ARHGAP25: variants seen among roughly 807,000 people sequenced by gnomAD.
ARHGAP25 encodes Rho GTPase activating protein 25.
In ARHGAP25, 34 loss-of-function variants were observed where a neutral mutation model predicts 71.0. The observed-to-expected ratio is 0.48, with a 90% CI of 0.36 to 0.64. ARHGAP25 has a LOEUF of 0.64. Among genes scored for constraint, ARHGAP25 ranks in the 30% least tolerant of loss-of-function variants. ARHGAP25 has a pLI of 0.00. For missense variants in ARHGAP25, 706 were observed against 805.1 expected, an observed-to-expected ratio of 0.88 and a Z score of 1.49; for synonymous variants, 282 against 296.5, an observed-to-expected ratio of 0.95 and a Z score of 0.50.
intron 4 of ARHGAP25, among the ~76,000 whole-genome samples, chr2:68,790,418 G>T (rs1258561374): frequency 2.0e-5 from 3 of 152,206 alleles, no homozygotes; most frequent in African/African-American, 7.2e-5. Flanking sequence ...GTTAGGGAAT[G>T]TTGGCCTTAA....
chr2:68,780,946 A>T (rs1476622898), intron 2 of ARHGAP25, among the ~76,000 whole-genome samples: 1 of 152,224 alleles, frequency 6.6e-6, no homozygotes, highest in Non-Finnish European at 1.5e-5. Flanking sequence ...CGAGGTGTAA[A>T]TTATGAATAA....
chr2:68,769,739 C>T (rs1677361182), intron 1 of ARHGAP25, among the ~76,000 whole-genome samples: 1 of 147,274 alleles, frequency 6.8e-6, no homozygotes, highest in Non-Finnish European at 1.5e-5. Context: ...GAAGTGGGGC[C>T]TGAAGGGATT....
intron 3 of ARHGAP25, among the ~76,000 whole-genome samples, chr2:68,783,634 T>C (rs1384745223): frequency 6.6e-6 from 1 of 152,106 alleles, no homozygotes; most frequent in Non-Finnish European, 1.5e-5. Flanking sequence ...CAGTTAATTT[T>C]TGTATTTTTA....
rs147739260 is a variant in ARHGAP25 at position 68,813,329 on chromosome 2, C to T, written c.717C>T (p.Tyr239=). The T allele has an allele frequency of 8.3e-5, 134 of 1,613,992 alleles. No individual in the cohort carries two copies. The African/African-American group carries it at 1.5e-3, about 18-fold the overall frequency. The change falls in exon 6 of 11, where the codon TAC becomes TAT. Residue 239 remains tyrosine (Y), a synonymous_variant. Coordinates refer to ENST00000409202, the MANE Select transcript of ARHGAP25 (RefSeq NM_001007231.3). Reference sequence around the variant, plus strand: ...CTGTGGCTTCCCTGTTAAAGCTCTACCTCCGAGACCTCCCAGAGCCCGTGG... The same window carrying T: ...CTGTGGCTTCCCTGTTAAAGCTCTATCTCCGAGACCTCCCAGAGCCCGTGG... The part of the protein sequence containing the change: ...VHTVASLLKL[Y]LRDLPEPVVP...
rs771613345 is a variant in ARHGAP25, at chr2:68,735,156, CA to C, written c.-43del. 45 of 1,532,710 alleles carry C rather than the reference CA, an allele frequency of 2.9e-5. No homozygotes were observed. In the Admixed American group the frequency reaches 4.0e-4, roughly 14 times the overall value. 94.9% of individuals were successfully genotyped at this position (1,532,710 alleles called of 1,614,324 possible). A position where few individuals can be genotyped will look rare whatever the true frequency, so the allele number is the denominator to read the frequency against. ...AAGACAAGAAGGGCGCAAACTGTGA[CA>C]GACTCACCGCTTCACTAACTACTCA... is the stretch of plus-strand genomic sequence containing the variant. On this transcript the variant is annotated 5_prime_UTR_variant, in exon 1 of 11. Coordinates refer to ENST00000409202, the MANE Select transcript of ARHGAP25 (RefSeq NM_001007231.3).
chr2:68,813,766 A>G (rs986959834), intron 6 of ARHGAP25, among the ~76,000 whole-genome samples: 5 of 152,236 alleles, frequency 3.3e-5, no homozygotes, highest in African/African-American at 9.6e-5. Flanking sequence ...GTGTGAGGTC[A>G]CATAGCTCAA....
chr2:68,712,489 C>T (rs1016721918), intron 2 of ARHGAP25, among the ~76,000 whole-genome samples: 4 of 152,126 alleles, frequency 2.6e-5, no homozygotes, highest in African/African-American at 7.2e-5. Context: ...GTTTCTTTTT[C>T]TGTACAGAAG....
intron 4 of ARHGAP25, among the ~76,000 whole-genome samples, chr2:68,797,990 A>C (rs1159656120): frequency 6.6e-6 from 1 of 152,074 alleles, no homozygotes; most frequent in African/African-American, 2.4e-5. Flanking sequence ...TTTTTTGTTG[A>C]ACTCCCAAGT....
At position 68,769,092 on chromosome 2, in the gene ARHGAP25, T is replaced by G. The variant is rs185300884; in HGVS notation, c.62-6129T>G. Among the ~76,000 whole-genome samples the G allele has an allele frequency of 2.0e-5, 3 of 152,292 alleles. No individual in the cohort carries two copies. In the East Asian group the frequency reaches 5.8e-4, roughly 29 times the overall value. On this transcript the variant is annotated intron_variant, in intron 1 of 10. Transcript: ENST00000409202. ...TCAGCAGGGGGCTGAGTCCTCTCAG[T>G]ATTAGCCTCTCATATTGTTTCCTCT...
At chr2:68,797,444 C>T (rs1485552940) in intron 4 of ARHGAP25, among the ~76,000 whole-genome samples, 1 of 152,186 alleles carries the variant, frequency 6.6e-6, no homozygotes, top group African/African-American at 2.4e-5. Context: ...GCAGGCTGCA[C>T]CTAGTCCACA....
intron 1 of ARHGAP25, among the ~76,000 whole-genome samples, chr2:68,772,801 T>C (rs149053587): frequency 1.3e-5 from 2 of 152,344 alleles, no homozygotes; most frequent in East Asian, 3.9e-4. Context: ...GCCTTGAAGA[T>C]AGCAAGTAAC....
chr2:68,765,971 A>C (rs1677099263), intron 1 of ARHGAP25, among the ~76,000 whole-genome samples: 1 of 152,232 alleles, frequency 6.6e-6, no homozygotes, highest in Admixed American at 6.5e-5. Context: ...GGTAGTTGCC[A>C]GTACTTGAGC....
At chr2:68,792,167 A>G (rs1484952915) in intron 4 of ARHGAP25, among the ~76,000 whole-genome samples, 2 of 152,212 alleles carry the variant, frequency 1.3e-5, no homozygotes, top group African/African-American at 2.4e-5. Flanking sequence ...AGTTTTGCTC[A>G]GGCTATTGCT....
chr2:68,802,468 C>A (rs539423869), intron 4 of ARHGAP25, among the ~76,000 whole-genome samples: 2 of 147,730 alleles, frequency 1.4e-5, no homozygotes, highest in Admixed American at 6.8e-5. Context: ...AAGAGTGTTG[C>A]GGATAATTCT....
At chr2:68,784,598 C>T (rs1440057400) in intron 3 of ARHGAP25, among the ~76,000 whole-genome samples, 1 of 152,100 alleles carries the variant, frequency 6.6e-6, no homozygotes, top group Non-Finnish European at 1.5e-5. Context: ...CTCCTCCTAC[C>T]CCAGGGAATC....
At chr2:68,768,194 G>A (rs1677249745) in intron 1 of ARHGAP25, among the ~76,000 whole-genome samples, 1 of 152,234 alleles carries the variant, frequency 6.6e-6, no homozygotes, top group Admixed American at 6.5e-5. Flanking sequence ...TACATAAAGA[G>A]CATGAGCATT....
chr2:68,807,354 A>C lies in ARHGAP25; in HGVS notation c.548A>C (p.Lys183Thr). Residue 183 changes from lysine to threonine, a missense_variant, in exon 5 of 11, where the codon AAA becomes ACA. Physicochemically the swap from Lys to Thr is moderately conservative, Grantham distance 78. Transcript: ENST00000409202. The stretch of plus-strand genomic sequence containing the variant: ...CATCTGGTGCCCATCCTGGTGGAGA[A>C]ATGTGCAGAGTTCATCCTGGAGCAC... ...GPHLVPILVE[K>T]CAEFILEHGR... The C allele has an allele frequency of 6.2e-7, 1 of 1,614,234 alleles. No individual in the cohort carries two copies. Among genetic ancestry groups the C allele is most frequent in the Non-Finnish European group, 8.5e-7 (1 of 1,180,044 alleles).
rs1677207347 is a variant in ARHGAP25 at position 68,767,582 on chromosome 2, C to G, written c.62-7639C>G. Among the ~76,000 whole-genome samples the G allele has an allele frequency of 6.6e-6, 1 of 152,108 alleles. No individual in the cohort carries two copies. The highest frequency in any genetic ancestry group is 2.4e-5 in the African/African-American group (1 of 41,402). On this transcript the variant is annotated intron_variant, in intron 1 of 10. Coordinates refer to ENST00000409202, the MANE Select transcript of ARHGAP25 (RefSeq NM_001007231.3). This position sits in a 1 kb window ranked among gnomAD's most constrained non-coding sequence, Gnocchi z 4.6. ...CTGTGGTGTGGGCCTGACTGCCGGC[C>G]CACGGTAGCTTAGCTCACTCTCTCT... is the stretch of plus-strand genomic sequence containing the variant.
intron 1 of ARHGAP25, among the ~76,000 whole-genome samples, chr2:68,756,208 G>T (rs574832184): frequency 6.6e-6 from 1 of 152,348 alleles, no homozygotes; most frequent in South Asian, 2.1e-4. Flanking sequence ...CCCTGTGGCA[G>T]GCTTTCCAGA....
Sources: gnomAD v4.1 joint callset for allele counts (sites outside exome capture counted in the v4.1 genomes callset) on GRCh38, gnomAD v4.1.1 for gene constraint, Gnocchi (gnomAD v3.1) non-coding constraint, MANE v1.5 for transcripts, NCBI Gene and HGNC (gene_info 2026-07-23, HGNC 2026-07-21) for gene names.